Variants in STOX2 observed in about 807,000 individuals in gnomAD.
STOX2 encodes storkhead box 2, also known as storkhead-box protein 2.
STOX2 carries 28 observed loss-of-function variants against 60.9 expected under a neutral mutation model. That is an observed-to-expected ratio of 0.46 (90% CI 0.34 to 0.63). The LOEUF is 0.63. Among genes scored for constraint, STOX2 ranks in the 30% least tolerant of loss-of-function variants. The pLI is 0.01. For missense variants in STOX2, 1,024 were observed against 1,187.7 expected, an observed-to-expected ratio of 0.86 and a Z score of 2.03; for synonymous variants, 472 against 463.9, an observed-to-expected ratio of 1.02 and a Z score of -0.22.
intron 2 of STOX2, among the ~76,000 whole-genome samples, chr4:184,004,547 C>T (rs1257287395): frequency 1.3e-5 from 2 of 152,168 alleles, no homozygotes. Context: ...TTGCAGTGAG[C>T]TGAGATCACG....
At chr4:183,828,177 G>A (rs181667812) in intron 1 of STOX2, among the ~76,000 whole-genome samples, 148 of 152,324 alleles carry the variant, frequency 9.7e-4, no homozygotes, top group African/African-American at 3.4e-3. Flanking sequence ...ATGTTTGCAA[G>A]GCACGGTTTG....
At chr4:183,804,659 A>G (rs1738844331) in intron 1 of STOX2, among the ~76,000 whole-genome samples, 1 of 152,222 alleles carries the variant, frequency 6.6e-6, no homozygotes, top group African/African-American at 2.4e-5. Context: ...AAATCTCAGG[A>G]TTAAGTCTAA....
At chr4:183,911,346 A>G (rs1481228127) in intron 1 of STOX2, among the ~76,000 whole-genome samples, 2 of 152,226 alleles carry the variant, frequency 1.3e-5, no homozygotes, top group Non-Finnish European at 2.9e-5. Flanking sequence ...CTGGCAAGTT[A>G]TAATCATATG....
Position 184,009,355 on chromosome 4 carries a change from C to T in STOX2, c.517C>T (p.Pro173Ser). The change falls in exon 3 of 4, where the codon CCG becomes TCG. Residue 173 changes from proline to serine, a missense_variant. Coordinates refer to ENST00000308497, the MANE Select transcript of STOX2 (RefSeq NM_020225.3). This position sits in a 1 kb window ranked among gnomAD's most constrained non-coding sequence, Gnocchi z 4.0. ...RIPDRSQCTS[P>S]QPGTITPSAS... ...ACCTGACCGGTCTCAGTGCACCTCTCCGCAACCCGGGACCATCACGCCCTC... is the reference window on the plus strand; with the variant it reads ...ACCTGACCGGTCTCAGTGCACCTCTTCGCAACCCGGGACCATCACGCCCTC... 1 of 1,614,008 alleles carries T rather than the reference C, an allele frequency of 6.2e-7. No homozygotes were observed. Among genetic ancestry groups the T allele is most frequent in the East Asian group, 2.2e-5 (1 of 44,880 alleles).
chr4:183,808,950 G>T (rs574569637), intron 1 of STOX2, among the ~76,000 whole-genome samples: 55 of 152,272 alleles, frequency 3.6e-4, no homozygotes, highest in African/African-American at 1.2e-3. Context: ...GACACTGGGG[G>T]TCTTGATTGC....
intron 1 of STOX2, among the ~76,000 whole-genome samples, chr4:183,813,743 C>T (rs920375093): frequency 6.6e-6 from 1 of 152,154 alleles, no homozygotes; most frequent in Non-Finnish European, 1.5e-5. Context: ...TAAATATCCT[C>T]ACAGGTAGAG....
chr4:183,874,923 C>CA (rs869044658), intron 1 of STOX2, among the ~76,000 whole-genome samples: 248 of 20,634 alleles, frequency 0.012, 74 homozygotes, highest in Non-Finnish European at 0.015. Flanking sequence ...GACTCCGCCT[C>CA]AAAAAAAAAA....
At chr4:183,993,883 C>T (rs11737598) in intron 1 of STOX2, among the ~76,000 whole-genome samples, 11,441 of 152,226 alleles carry the variant, frequency 0.075, 554 homozygotes, top group Non-Finnish European at 0.11. Context: ...TCTGCTCTGC[C>T]CCCACCAGAT....
Position 183,906,627 on chromosome 4 carries a change from G to A in STOX2, c.-164G>A. 1 of 690,506 alleles carries A rather than the reference G, an allele frequency of 1.4e-6. No individual in the cohort carries two copies. The highest frequency in any genetic ancestry group is 2.0e-5 in the South Asian group (1 of 49,364). The allele number at this position is 690,506 out of a possible 1,614,324, so 42.8% of individuals were successfully genotyped here. A position where few individuals can be genotyped will look rare whatever the true frequency, so the allele number is the denominator to read the frequency against. On this transcript the variant is annotated 5_prime_UTR_variant, in exon 1 of 4. Coordinates refer to ENST00000308497, the MANE Select transcript of STOX2 (RefSeq NM_020225.3). Reference sequence around the variant, plus strand: ...GCCGTGGGGGTGTGGGGGGGCGTGGGGAGGGCCGGACCCGCCGCTGGCGGT... The same window carrying A: ...GCCGTGGGGGTGTGGGGGGGCGTGGAGAGGGCCGGACCCGCCGCTGGCGGT...
At chr4:183,819,693 G>A (rs977868753) in intron 1 of STOX2, among the ~76,000 whole-genome samples, 2 of 152,118 alleles carry the variant, frequency 1.3e-5, no homozygotes, top group African/African-American at 4.8e-5. Context: ...TTTACTTCAG[G>A]TGAAATGAAA....
At chr4:183,970,043 A>G (rs1743693692) in intron 1 of STOX2, among the ~76,000 whole-genome samples, 1 of 152,090 alleles carries the variant, frequency 6.6e-6, no homozygotes, top group African/African-American at 2.4e-5. Flanking sequence ...TCCTGTCTCA[A>G]TAGAGACTGT....
Position 183,874,790 on chromosome 4 carries a change from C to G in STOX2, c.364+76735C>G, listed in dbSNP as rs1241902971. Among the ~76,000 whole-genome samples, 4 of 150,344 alleles carry G rather than the reference C, an allele frequency of 2.7e-5. No individual in the cohort carries two copies. The South Asian group carries it at 6.3e-4, about 24-fold the overall frequency. On this transcript the variant is annotated intron_variant, in intron 1 of 2. Coordinates refer to the STOX2 transcript ENST00000513034. Reference sequence around the variant, plus strand: ...AAATACAAAAAATTAGCCGGGCGAGCTGGCAGGCGCCTGTAGTCCCAGCTA... The same window carrying G: ...AAATACAAAAAATTAGCCGGGCGAGGTGGCAGGCGCCTGTAGTCCCAGCTA...
chr4:183,820,965 A>T (rs934025729), intron 1 of STOX2, among the ~76,000 whole-genome samples: 1 of 151,600 alleles, frequency 6.6e-6, no homozygotes, highest in Admixed American at 6.6e-5. Flanking sequence ...AAATTAGCCT[A>T]GTGTGGTGGT....
intron 1 of STOX2, among the ~76,000 whole-genome samples, chr4:183,804,975 A>G (rs779958731): frequency 1.4e-4 from 21 of 152,204 alleles, no homozygotes; most frequent in Admixed American, 1.1e-3. Context: ...GGTTATTGCC[A>G]AGTTCTTTTA....
At chr4:183,959,969 T>A (rs73002666) in intron 1 of STOX2, among the ~76,000 whole-genome samples, 1,588 of 152,208 alleles carry the variant, frequency 0.01, 36 homozygotes, top group African/African-American at 0.036. Flanking sequence ...AAATAGAGAC[T>A]AGAAAAGAAA....
At chr4:183,816,931 G>A (rs956099338) in intron 1 of STOX2, among the ~76,000 whole-genome samples, 1 of 152,174 alleles carries the variant, frequency 6.6e-6, no homozygotes, top group Non-Finnish European at 1.5e-5. Flanking sequence ...CTAACTGTAC[G>A]GGCAAGGGCT....
rs146961434 is a variant in STOX2 at position 183,849,340 on chromosome 4, A to G, written c.364+51285A>G. Among the ~76,000 whole-genome samples, 187 of 152,338 alleles carry G rather than the reference A, an allele frequency of 1.2e-3. 1 individual carries two copies. Among genetic ancestry groups the G allele is most frequent in the African/African-American group, 4.5e-3 (186 of 41,584 alleles). ...AAGACCCCAGAGTGGGCTGAAGTCA[A>G]AGGCCTCATGCCTCAGTATGGGCTT... is the stretch of plus-strand genomic sequence containing the variant. On this transcript the variant is annotated intron_variant, in intron 1 of 2. Transcript: ENST00000513034.
chr4:183,873,176 A>G (rs960733987), intron 1 of STOX2, among the ~76,000 whole-genome samples: 3 of 152,044 alleles, frequency 2.0e-5, no homozygotes, highest in Non-Finnish European at 2.9e-5. Context: ...GGCTGGGCGC[A>G]GTGGTTTACA....
chr4:183,931,584 T>C lies in STOX2; in HGVS notation c.166+24628T>C, dbSNP rs143552820. 3.7e-3 allele frequency among the ~76,000 whole-genome samples: 556 copies of C among 152,316 alleles called. 15 individuals carry two copies. The highest frequency in any genetic ancestry group is 0.025 in the Admixed American group (380 of 15,292). On this transcript the variant is annotated intron_variant, in intron 1 of 3. Coordinates refer to ENST00000308497, the MANE Select transcript of STOX2 (RefSeq NM_020225.3). ...ACAAGTCTCCTGTTTACTTAGATTA[T>C]GCAGACTATTGTGAAAGAAAGGGAC...
Sources: allele counts gnomAD v4.1 joint callset (sites outside exome capture counted in the v4.1 genomes callset), GRCh38; gene constraint gnomAD v4.1.1; non-coding constraint Gnocchi (gnomAD v3.1); transcripts MANE v1.5; gene names NCBI Gene and HGNC (gene_info 2026-07-23, HGNC 2026-07-21).